EIF2AK2: variants seen among roughly 807,000 people sequenced by gnomAD.
EIF2AK2 encodes interferon-induced, double-stranded RNA-activated protein kinase.
A neutral mutation model predicts 70.5 loss-of-function variants in EIF2AK2; 40 were observed. The observed-to-expected ratio is 0.57, with a 90% CI of 0.44 to 0.74. EIF2AK2 has a LOEUF of 0.74. Ranked by LOEUF, EIF2AK2 falls within the 30% of genes least tolerant of loss-of-function variation. EIF2AK2 has a pLI of 0.00. For synonymous variants in EIF2AK2, 198 were observed against 220.9 expected (o/e 0.90, Z 0.92); for missense variants, 555 against 644.3 (o/e 0.86, Z 1.50).
chr2:37,122,607 G>A lies in EIF2AK2; in HGVS notation c.966C>T (p.His322=). ...LAKLDHVNIV[H]YNGCWDGFDY... Reference sequence around the variant, plus strand: ...CAAATCCATCCCAACAGCCATTGTAGTGAACAATATTTACATGATCAAGTT... The same window carrying A: ...CAAATCCATCCCAACAGCCATTGTAATGAACAATATTTACATGATCAAGTT... Residue 322 remains histidine, a synonymous_variant, in exon 12 of 17, where the codon CAC becomes CAT. Coordinates refer to ENST00000233057, the MANE Select transcript of EIF2AK2 (RefSeq NM_001135651.3). The A allele has an allele frequency of 6.2e-7, 1 of 1,614,164 alleles. No individual in the cohort carries two copies.
intron 4 of EIF2AK2, among the ~76,000 whole-genome samples, chr2:37,146,180 G>A (rs566711502): frequency 3.3e-5 from 5 of 152,248 alleles, no homozygotes; most frequent in African/African-American, 7.2e-5. Flanking sequence ...GTATAGGTTC[G>A]TAGTCTAGGA....
chr2:37,136,952 C>A, intron 9 of EIF2AK2, 31 bp downstream of exon 9: 1 of 1,583,164 alleles, frequency 6.3e-7, no homozygotes, highest in South Asian at 1.2e-5. Context: ...AACTTCAGAT[C>A]AAAATATGTT....
intron 10 of EIF2AK2, among the ~76,000 whole-genome samples, chr2:37,130,899 G>T (rs1014491127): frequency 2.0e-5 from 3 of 152,136 alleles, no homozygotes; most frequent in Non-Finnish European, 4.4e-5. Context: ...CTGAATGTGG[G>T]TACCAGATAT....
intron 13 of EIF2AK2, among the ~76,000 whole-genome samples, chr2:37,119,577 A>C (rs1167425953): frequency 3.3e-5 from 5 of 151,074 alleles, no homozygotes; most frequent in African/African-American, 4.9e-5. Context: ...ATATCTATCT[A>C]TCTTATTTTA....
At chr2:37,136,918 G>C (rs1033071146) in intron 9 of EIF2AK2, 65 bp downstream of exon 9, 17 of 1,462,874 alleles carry the variant, frequency 1.2e-5, no homozygotes, top group Non-Finnish European at 1.6e-5. Flanking sequence ...CAAGTATTAA[G>C]AACAATAAAT....
chr2:37,145,000 T>C (rs952089390), intron 4 of EIF2AK2, among the ~76,000 whole-genome samples: 1 of 151,986 alleles, frequency 6.6e-6, no homozygotes, highest in African/African-American at 2.4e-5. Context: ...CCAACCATGA[T>C]TTAATTTTTT....
chr2:37,130,794 C>A (rs886927270), intron 10 of EIF2AK2, among the ~76,000 whole-genome samples: 2 of 152,186 alleles, frequency 1.3e-5, no homozygotes, highest in African/African-American at 4.8e-5. Context: ...CTCTACAACC[C>A]AGTGTTTTGC....
At chr2:37,117,646 G>C (rs1422263827) in intron 13 of EIF2AK2, among the ~76,000 whole-genome samples, 1 of 152,182 alleles carries the variant, frequency 6.6e-6, no homozygotes, top group African/African-American at 2.4e-5. Context: ...ACTTCACCTA[G>C]GAGGCACAGG....
intron 13 of EIF2AK2, 27 bp from the exon 14 acceptor site, chr2:37,114,886 A>G: frequency 6.9e-7 from 1 of 1,458,732 alleles, no homozygotes. Context: ...TTTAACTTAC[A>G]TGTACCAACT....
chr2:37,129,781 AC>A (rs1383048610), intron 10 of EIF2AK2, among the ~76,000 whole-genome samples: 1 of 152,082 alleles, frequency 6.6e-6, no homozygotes, highest in Non-Finnish European at 1.5e-5. Context: ...CCACTCCTTT[AC>A]TAGGAAGGGA....
chr2:37,148,858 T>A lies in EIF2AK2; in HGVS notation c.-18A>T. On this transcript the variant is annotated splice_region_variant and 5_prime_UTR_variant, in exon 2 of 17. Coordinates refer to ENST00000233057, the MANE Select transcript of EIF2AK2 (RefSeq NM_001135651.3). ...CAAAATTCGGAAGACCGCTTGTACC[T>A]GGTTGGAAGCTTTGTCCAAAATGCA... 2.4e-6 allele frequency: 2 copies of A among 846,434 alleles called. No individual in the cohort carries two copies. Among genetic ancestry groups the A allele is most frequent in the Middle Eastern group, 2.2e-4 (1 of 4,512 alleles). 52.4% of individuals were successfully genotyped at this position (846,434 alleles called of 1,614,324 possible).
At chr2:37,140,427 T>C (rs534009354) in intron 5 of EIF2AK2, among the ~76,000 whole-genome samples, 1 of 152,226 alleles carries the variant, frequency 6.6e-6, no homozygotes, top group East Asian at 1.9e-4. Context: ...AGGGTTACTA[T>C]CTATTACTGA....
At chr2:37,114,345 ATAGT>A (rs1344890977) in intron 14 of EIF2AK2, among the ~76,000 whole-genome samples, 1 of 152,038 alleles carries the variant, frequency 6.6e-6, no homozygotes, top group Non-Finnish European at 1.5e-5. Context: ...ATTTAAAAAA[ATAGT>A]TAAATTATGG....
chr2:37,156,560 T>C, intron 1 of EIF2AK2, among the ~76,000 whole-genome samples: 1 of 152,198 alleles, frequency 6.6e-6, no homozygotes, highest in East Asian at 1.9e-4. Context: ...GTCAAGCCAC[T>C]AGGCCTATTC....
intron 1 of EIF2AK2, among the ~76,000 whole-genome samples, chr2:37,150,651 A>G (rs892129857): frequency 6.6e-6 from 1 of 152,224 alleles, no homozygotes; most frequent in Non-Finnish European, 1.5e-5. Flanking sequence ...AGAAGTGACT[A>G]GTTGAGTGGT....
intron 10 of EIF2AK2, among the ~76,000 whole-genome samples, chr2:37,132,320 C>T (rs1224404624): frequency 0.017 from 2 of 118 alleles, no homozygotes; most frequent in Non-Finnish European, 0.028. Flanking sequence ...TGGCCAGGTG[C>T]GGTAGTCACG....
At chr2:37,108,697 G>A (rs1358503777) in intron 15 of EIF2AK2, among the ~76,000 whole-genome samples, 1 of 152,154 alleles carries the variant, frequency 6.6e-6, no homozygotes, top group Non-Finnish European at 1.5e-5. Flanking sequence ...AGCCCCCTGA[G>A]TAGTTGGGAT....
At position 37,141,693 on chromosome 2, in the gene EIF2AK2, A is replaced by C; in HGVS notation, c.249T>G (p.Ser83Arg). Residue 83 changes from serine to arginine, a missense_variant, in exon 5 of 17, where the codon AGT (serine) becomes AGG (arginine). This residue lies in a region of EIF2AK2 where 208 missense variants were observed against 191.8 expected (regional missense o/e 1.08). Coordinates refer to ENST00000233057, the MANE Select transcript of EIF2AK2 (RefSeq NM_001135651.3). ...EILNKEKKAV[S>R]PLLLTTTNSS... The stretch of plus-strand genomic sequence containing the variant: ...AATTCGTTGTTGTCAATAATAAAGG[A>C]CTAACTGCCTACAAAGAAAAAAAAT... The C allele has an allele frequency of 6.2e-7, 1 of 1,606,672 alleles. No individual in the cohort carries two copies. The highest frequency in any genetic ancestry group is 8.5e-7 in the Non-Finnish European group (1 of 1,177,766).
chr2:37,153,134 TTA>T (rs1185269664), intron 1 of EIF2AK2, among the ~76,000 whole-genome samples: 1 of 152,128 alleles, frequency 6.6e-6, no homozygotes, highest in Non-Finnish European at 1.5e-5. Flanking sequence ...ATTTTTTTTT[TTA>T]TGTTTTAAAA....
Sources: gnomAD v4.1 joint callset for allele counts (sites outside exome capture counted in the v4.1 genomes callset) on GRCh38, gnomAD v4.1.1 for gene constraint, gnomAD v4.1.1 regional missense constraint, MANE v1.5 for transcripts, NCBI Gene and HGNC (gene_info 2026-07-23, HGNC 2026-07-21) for gene names.